Variants in NOTCH1 observed in about 807,000 individuals in gnomAD.
The protein encoded by NOTCH1 is neurogenic locus notch homolog protein 1.
Under a neutral mutation model 254.8 loss-of-function variants are expected in NOTCH1, and 37 were observed. The observed-to-expected ratio is 0.15, with a 90% confidence interval of 0.11 to 0.19. The LOEUF is 0.19. NOTCH1 is among the 10% of genes least tolerant of loss of function. The pLI, the probability that NOTCH1 is intolerant of heterozygous loss-of-function variation, is 1.00. For synonymous variants in NOTCH1, 1,731 were observed against 1,618.1 expected (o/e 1.07, Z -1.68); for missense variants, 2,972 against 3,708.6 (o/e 0.80, Z 5.16).
At chr9:136,516,160 G>T in intron 9 of NOTCH1, 66 bp from the exon 10 acceptor site, 1 of 1,261,414 alleles carries the variant, frequency 7.9e-7, no homozygotes, top group Non-Finnish European at 1.1e-6. Flanking sequence ...AGGGACCCCT[G>T]GCCAGACCCC....
rs771440130 is a variant in NOTCH1 at position 136,515,626 on chromosome 9, A to T, written c.1760T>A (p.Phe587Tyr). The T allele has an allele frequency of 1.2e-6, 2 of 1,604,492 alleles. No homozygotes were observed. The highest frequency in any genetic ancestry group is 2.7e-5 in the African/African-American group (2 of 74,738). The change falls in exon 11 of 34, where the codon TTC becomes TAC. Residue 587 changes from phenylalanine (F) to tyrosine (Y), a missense_variant. By Grantham distance (22) the Phe-to-Tyr change is conservative. Transcript: ENST00000651671. ...YGSCKDGVAT[F>Y]TCLCRPGYTG... ...GTAGCCTGGGCGGCAGAGGCAGGTG[A>T]AGGTGGCGACGCCGTCCTTGCAGGA...
chr9:136,506,490 C>T lies in NOTCH1; in HGVS notation c.4014+37G>A, dbSNP rs1328966558. The stretch of plus-strand genomic sequence containing the variant: ...ACGTGGACCTCTCCAGGTGTCTCCC[C>T]TGGCGGGCCCCTGCCTCCCTGCACC... On this transcript the variant is annotated intron_variant, in intron 24 of 33. Transcript: ENST00000651671. The surrounding 1 kb of genome is among the most constrained non-coding windows in gnomAD (Gnocchi z 4.5). 1.9e-6 allele frequency: 3 copies of T among 1,544,334 alleles called. No individual in the cohort carries two copies. The highest frequency in any genetic ancestry group is 2.4e-5 in the South Asian group (2 of 84,116).
rs2133343003 is a variant in NOTCH1 at position 136,506,681 on chromosome 9, C to G, written c.3901+35G>C. 6.3e-7 allele frequency: 1 copy of G among 1,595,500 alleles called. No individual in the cohort carries two copies. Among genetic ancestry groups the G allele is most frequent in the Non-Finnish European group, 8.5e-7 (1 of 1,171,848 alleles). On this transcript the variant is annotated intron_variant, in intron 23 of 33. Coordinates refer to ENST00000651671, the MANE Select transcript of NOTCH1 (RefSeq NM_017617.5). This position sits in a 1 kb window ranked among gnomAD's most constrained non-coding sequence, Gnocchi z 4.5. ...GGCAGTGAGAGGCTCACCCTGCTGC[C>G]CCACACGCCCCACCCGCCTGGGCGC...
intron 15 of NOTCH1, among the ~76,000 whole-genome samples, chr9:136,511,522 G>C (rs572166505): frequency 6.6e-6 from 1 of 152,306 alleles, no homozygotes; most frequent in Non-Finnish European, 1.5e-5. Flanking sequence ...CCTCATTCCC[G>C]GTTGGCAGCG....
chr9:136,499,291 T>C (rs1170642913), intron 31 of NOTCH1, 32 bp from the exon 32 acceptor site: 1 of 1,609,394 alleles, frequency 6.2e-7, no homozygotes, highest in Admixed American at 1.7e-5. Context: ...AGGCGGGTGC[T>C]GGGCAGACGT....
At chr9:136,533,441 TG>T (rs1843593940) in intron 2 of NOTCH1, among the ~76,000 whole-genome samples, 1 of 152,298 alleles carries the variant, frequency 6.6e-6, no homozygotes, top group East Asian at 1.9e-4. Context: ...GAGCGGAACT[TG>T]GGGGGCCCCA....
intron 2 of NOTCH1, among the ~76,000 whole-genome samples, chr9:136,527,379 C>CCCA (rs1843479865): frequency 6.6e-6 from 1 of 152,262 alleles, no homozygotes; most frequent in Non-Finnish European, 1.5e-5. Context: ...GTCTTCAATG[C>CCCA]TGTCCCGGCG....
chr9:136,527,271 C>CCTCCT (rs1395669972), intron 2 of NOTCH1, among the ~76,000 whole-genome samples: 24 of 152,354 alleles, frequency 1.6e-4, no homozygotes, highest in Non-Finnish European at 2.9e-4. Context: ...TGGGAGGGAC[C>CCTCCT]TCAGGCCTGC....
chr9:136,506,401 A>G lies in NOTCH1; in HGVS notation c.4014+126T>C. ...TTGAAACTAAAAAAAAAAAAAAGACATCAGGGTGAGGAGGAGGATGAAGGC... is the reference window on the plus strand; with the variant it reads ...TTGAAACTAAAAAAAAAAAAAAGACGTCAGGGTGAGGAGGAGGATGAAGGC... On this transcript the variant is annotated intron_variant, in intron 24 of 33. Transcript: ENST00000651671. The surrounding 1 kb of genome is among the most constrained non-coding windows in gnomAD (Gnocchi z 4.5). 1.4e-6 allele frequency: 1 copy of G among 701,496 alleles called. No individual in the cohort carries two copies. The highest frequency in any genetic ancestry group is 2.4e-6 in the Non-Finnish European group (1 of 424,736). 43.5% of individuals were successfully genotyped at this position (701,496 alleles called of 1,614,324 possible).
At chr9:136,522,663 G>A (rs1396199236) in intron 4 of NOTCH1, 187 bp downstream of exon 4, 3 of 612,706 alleles carry the variant, frequency 4.9e-6, no homozygotes, top group Non-Finnish European at 5.6e-6. Flanking sequence ...CCTCCTCCCA[G>A]CGCACACCCC....
At chr9:136,515,161 G>T in intron 12 of NOTCH1, 129 bp downstream of exon 12, 1 of 826,814 alleles carries the variant, frequency 1.2e-6, no homozygotes, top group Non-Finnish European at 2.0e-6. Flanking sequence ...AATCTCTGCT[G>T]CAGACCACGG....
rs376422513 is a variant in NOTCH1 at position 136,497,156 on chromosome 9, C to G, written c.6583G>C (p.Gly2195Arg). The change falls in exon 34 of 34, where the codon GGC becomes CGC. Residue 2195 changes from glycine to arginine, a missense_variant. Transcript: ENST00000651671. ...AGGGAGTCCACGGGCGAGAGCATGCCGGAGCTGTCCAGCAGGCAGCCCTTG... is the reference window on the plus strand; with the variant it reads ...AGGGAGTCCACGGGCGAGAGCATGCGGGAGCTGTCCAGCAGGCAGCCCTTG... ...DGKGCLLDSS[G>R]MLSPVDSLES... is the part of the protein sequence containing the mutation. 6.2e-7 allele frequency: 1 copy of G among 1,612,748 alleles called. No individual in the cohort carries two copies. The highest frequency in any genetic ancestry group is 1.7e-5 in the Admixed American group (1 of 60,030).
At chr9:136,507,687 C>T (rs926979664) in intron 21 of NOTCH1, among the ~76,000 whole-genome samples, 1 of 152,138 alleles carries the variant, frequency 6.6e-6, no homozygotes, top group Non-Finnish European at 1.5e-5. Flanking sequence ...GTGAGGGCCT[C>T]AGGGTAGGTG....
At chr9:136,537,452 TG>T (rs1410768072) in intron 2 of NOTCH1, among the ~76,000 whole-genome samples, 1 of 152,146 alleles carries the variant, frequency 6.6e-6, no homozygotes, top group Non-Finnish European at 1.5e-5. Flanking sequence ...TGCCAGGGGC[TG>T]GGGCAGTCAG....
chr9:136,507,056 G>C, intron 22 of NOTCH1, 83 bp from the exon 23 acceptor site: 1 of 1,548,350 alleles, frequency 6.5e-7, no homozygotes, highest in South Asian at 1.2e-5. Context: ...GAAGACGAGC[G>C]CTCAGGTCTG....
intron 2 of NOTCH1, among the ~76,000 whole-genome samples, chr9:136,532,828 C>T (rs1360342032): frequency 6.6e-6 from 1 of 152,222 alleles, no homozygotes; most frequent in Non-Finnish European, 1.5e-5. Context: ...TGACCCAGTG[C>T]CACCCCACAC....
rs180752476 is a variant in NOTCH1, at chr9:136,512,844, C to T, written c.2467+177G>A. On this transcript the variant is annotated intron_variant, in intron 15 of 33. Coordinates refer to ENST00000651671, the MANE Select transcript of NOTCH1 (RefSeq NM_017617.5). ...TAAGGCACTCAGTGAGGCGCAGAAC[C>T]TTCTGGAAGGCCCCGCCCCAAGAAA... Among the ~76,000 whole-genome samples, 2,036 of 152,268 alleles carry T rather than the reference C, an allele frequency of 0.013. 32 individuals are homozygous for T. The highest frequency in any genetic ancestry group is 0.054 in the Middle Eastern group (16 of 294).
intron 16 of NOTCH1, 147 bp downstream of exon 16, chr9:136,511,005 C>G: frequency 1.4e-6 from 2 of 1,421,084 alleles, no homozygotes; most frequent in East Asian, 4.6e-5. Flanking sequence ...AGGTCAATTC[C>G]TGATTCCAGA....
intron 2 of NOTCH1, among the ~76,000 whole-genome samples, chr9:136,527,903 A>G (rs1164118389): frequency 6.6e-6 from 1 of 151,838 alleles, no homozygotes; most frequent in East Asian, 1.9e-4. Context: ...TACCGCCACC[A>G]CTTTGTTCCC....
Sources: gnomAD v4.1 joint callset for allele counts (sites outside exome capture counted in the v4.1 genomes callset) on GRCh38, gnomAD v4.1.1 for gene constraint, Gnocchi (gnomAD v3.1) non-coding constraint, MANE v1.5 for transcripts, NCBI Gene and HGNC (gene_info 2026-07-23, HGNC 2026-07-21) for gene names.